The following C12orf54 variants were observed in gnomAD, a reference collection of about 807,000 sequenced individuals.
The protein encoded by C12orf54 is chromosome 12 open reading frame 54.
Under a neutral mutation model 26.4 loss-of-function variants are expected in C12orf54, and 24 were observed. That is an observed-to-expected ratio of 0.91 (90% confidence interval 0.66 to 1.28). C12orf54 has a LOEUF of 1.28. Among genes scored for constraint, C12orf54 ranks in the 50% most tolerant of loss-of-function variants. C12orf54 has a pLI of 0.00. For synonymous variants in C12orf54, 54 were observed against 47.0 expected, an observed-to-expected ratio of 1.15 and a Z score of -0.61; for missense variants, 154 against 150.9, an observed-to-expected ratio of 1.02 and a Z score of -0.11.
chr12:48,470,027 T>C, the C12orf54 span, among the ~76,000 whole-genome samples: 1 of 152,240 alleles, frequency 6.6e-6, no homozygotes, highest in Non-Finnish European at 1.5e-5. Context: ...CATGACTTTA[T>C]TCATTTTTAT....
the C12orf54 span, among the ~76,000 whole-genome samples, chr12:48,460,192 G>C: frequency 6.8e-6 from 1 of 146,964 alleles, no homozygotes; most frequent in African/African-American, 2.5e-5. Flanking sequence ...ATTCTTTCCT[G>C]CCCAGGGAGT....
chr12:48,445,924 C>A, the C12orf54 span, among the ~76,000 whole-genome samples: 4 of 152,160 alleles, frequency 2.6e-5, no homozygotes, highest in Admixed American at 6.5e-5. Flanking sequence ...GGGAGGGTAC[C>A]CTTAAATACC....
chr12:48,436,945 C>CA, the C12orf54 span, among the ~76,000 whole-genome samples: 5 of 152,026 alleles, frequency 3.3e-5, no homozygotes, highest in South Asian at 4.2e-4. Context: ...ACAAACCCTT[C>CA]AAAAAATCAA....
chr12:48,463,650 C>A, the C12orf54 span, among the ~76,000 whole-genome samples: 1 of 151,876 alleles, frequency 6.6e-6, no homozygotes, highest in Non-Finnish European at 1.5e-5. Context: ...AGGCCAATAT[C>A]CTTGATGAAC....
intron 6 of C12orf54, among the ~76,000 whole-genome samples, chr12:48,491,924 C>T (rs1019290398): frequency 4.6e-5 from 7 of 152,106 alleles, no homozygotes; most frequent in Admixed American, 3.3e-4. Context: ...GGTTCTATAC[C>T]TCTAAGAGAC....
intron 6 of C12orf54, among the ~76,000 whole-genome samples, chr12:48,492,151 C>G (rs536574025): frequency 1.9e-4 from 29 of 152,250 alleles, no homozygotes; most frequent in African/African-American, 5.8e-4. Context: ...TGGGGTCTTT[C>G]TGGAACCACT....
chr12:48,454,345 C>A, the C12orf54 span, among the ~76,000 whole-genome samples: 4 of 152,102 alleles, frequency 2.6e-5, no homozygotes, highest in African/African-American at 9.7e-5. Context: ...GTGATCTGCC[C>A]ACCTCGGCCT....
the C12orf54 span, among the ~76,000 whole-genome samples, chr12:48,426,477 G>T: frequency 1.3e-5 from 2 of 152,056 alleles, no homozygotes; most frequent in Non-Finnish European, 2.9e-5. Flanking sequence ...TGTTGTATTG[G>T]TTACTGTAGC....
At chr12:48,432,209 C>A in the C12orf54 span, among the ~76,000 whole-genome samples, 11 of 152,242 alleles carry the variant, frequency 7.2e-5, no homozygotes, top group African/African-American at 2.6e-4. Context: ...AACCATATAA[C>A]CATTTCAATG....
At chr12:48,479,245 A>T (rs1000517506), upstream of C12orf54, among the ~76,000 whole-genome samples, 5 of 152,188 alleles carry the variant, frequency 3.3e-5, no homozygotes, top group Non-Finnish European at 5.9e-5. Flanking sequence ...CATCATTCTC[A>T]GCAAACTATC....
chr12:48,468,586 A>G, the C12orf54 span, among the ~76,000 whole-genome samples: 6 of 130,230 alleles, frequency 4.6e-5, no homozygotes, highest in Non-Finnish European at 1.1e-4. Flanking sequence ...TGCAAACACT[A>G]ACTACAACAA....
At chr12:48,429,924 A>C in the C12orf54 span, among the ~76,000 whole-genome samples, 2 of 152,068 alleles carry the variant, frequency 1.3e-5, no homozygotes, top group Non-Finnish European at 2.9e-5. Context: ...ATACTATAGG[A>C]CCGTAGTCAC....
chr12:48,470,714 G>A, the C12orf54 span, among the ~76,000 whole-genome samples: 2 of 151,712 alleles, frequency 1.3e-5, no homozygotes, highest in African/African-American at 4.8e-5. Context: ...AATTGCTTTT[G>A]GGGACTTAGC....
the C12orf54 span, among the ~76,000 whole-genome samples, chr12:48,420,270 A>G: frequency 6.6e-6 from 1 of 152,226 alleles, no homozygotes; most frequent in African/African-American, 2.4e-5. Flanking sequence ...TTCAGCCAGA[A>G]GCAAATTTTT....
At chr12:48,453,289 A>C in the C12orf54 span, among the ~76,000 whole-genome samples, 1 of 151,956 alleles carries the variant, frequency 6.6e-6, no homozygotes. Context: ...CTGAATGATG[A>C]GAACACGTGG....
At chr12:48,479,763 G>A (rs1311398572), upstream of C12orf54, among the ~76,000 whole-genome samples, 4 of 151,912 alleles carry the variant, frequency 2.6e-5, no homozygotes, top group Non-Finnish European at 5.9e-5. Flanking sequence ...CTGAACCCAT[G>A]TTTCATCTGT....
At chr12:48,451,065 A>T in the C12orf54 span, among the ~76,000 whole-genome samples, 1 of 152,206 alleles carries the variant, frequency 6.6e-6, no homozygotes. Context: ...CTTGATGAAC[A>T]TCAAAGAAAA....
At chr12:48,465,946 T>C in the C12orf54 span, among the ~76,000 whole-genome samples, 2 of 152,232 alleles carry the variant, frequency 1.3e-5, no homozygotes, top group East Asian at 3.9e-4. Context: ...AAATGAATAA[T>C]AGAACTAAAA....
the C12orf54 span, chr12:48,417,180 G>A: frequency 3.9e-5 from 6 of 152,174 alleles, no homozygotes; most frequent in Admixed American, 2.0e-4. Context: ...GGTATGCAGA[G>A]GTGGAATCAG....
Sources: allele counts gnomAD v4.1 joint callset (sites outside exome capture counted in the v4.1 genomes callset), GRCh38; gene constraint gnomAD v4.1.1; transcripts MANE v1.5; gene names NCBI Gene and HGNC (gene_info 2026-07-23, HGNC 2026-07-21).